Variants in PTCHD4 observed in about 807,000 individuals in gnomAD.
PTCHD4 encodes the protein patched domain-containing protein 4.
PTCHD4 carries 33 observed loss-of-function variants against 58.1 expected under a neutral mutation model. The ratio of observed to expected loss-of-function variants is 0.57; its 90% CI spans 0.43 to 0.76. The LOEUF (loss-of-function observed/expected upper bound fraction) is 0.76, where lower values mean the gene tolerates loss of function less well. Ranked by LOEUF, PTCHD4 falls within the 30% of genes least tolerant of loss-of-function variation. The pLI is 0.00. For missense variants in PTCHD4, 1,058 were observed against 1,027.1 expected (o/e 1.03, Z -0.41); for synonymous variants, 478 against 409.6 (o/e 1.17, Z -2.02).
chr6:47,901,363 G>T (rs1764696354), intron 4 of PTCHD4: 5 of 818,622 alleles, frequency 6.1e-6, no homozygotes, highest in South Asian at 5.6e-5. Flanking sequence ...TTATCTCATA[G>T]AATTATTTGG....
chr6:48,067,036 A>G lies in PTCHD4; in HGVS notation c.417+1194T>C, dbSNP rs568111507. Among the ~76,000 whole-genome samples the G allele has an allele frequency of 1.3e-4, 20 of 152,230 alleles. No homozygotes were observed. In the South Asian group the frequency reaches 3.7e-3, roughly 28 times the overall value. On this transcript the variant is annotated intron_variant, in intron 3 of 4. Transcript: ENST00000339488. ...ACTATCTCCACAGATGCACACACAT[A>G]TCTTCACATACATTAAAAAAATTTT...
chr6:47,977,420 A>G (rs1427561823), intron 4 of PTCHD4, among the ~76,000 whole-genome samples: 1 of 152,202 alleles, frequency 6.6e-6, no homozygotes, highest in Non-Finnish European at 1.5e-5. Context: ...CTCTGTGACA[A>G]GGAATTAAGG....
rs966458048 is a variant in PTCHD4, at chr6:47,876,377, G to C, written c.*1926C>G. 6.6e-6 allele frequency among the ~76,000 whole-genome samples: 1 copy of C among 151,744 alleles called. No individual in the cohort carries two copies. Among genetic ancestry groups the C allele is most frequent in the Non-Finnish European group, 1.5e-5 (1 of 67,908 alleles). Reference sequence around the variant, plus strand: ...CCTGTTGAAACCCAATTACCTCAAGGTAAAACAAAACAAACTCCATTTAAT... The same window carrying C: ...CCTGTTGAAACCCAATTACCTCAAGCTAAAACAAAACAAACTCCATTTAAT... On this transcript the variant is annotated 3_prime_UTR_variant, in exon 5 of 5. Transcript: ENST00000339488.
intron 4 of PTCHD4, among the ~76,000 whole-genome samples, chr6:47,895,185 T>C (rs749692332): frequency 1.3e-5 from 2 of 152,008 alleles, no homozygotes; most frequent in Non-Finnish European, 2.9e-5. Flanking sequence ...TGAAGACCCA[T>C]GCAGACAGCT....
intron 3 of PTCHD4, among the ~76,000 whole-genome samples, chr6:48,046,961 A>C (rs1480858287): frequency 2.0e-5 from 3 of 151,836 alleles, no homozygotes; most frequent in Non-Finnish European, 4.4e-5. Flanking sequence ...GTGGATGCTC[A>C]TAACACCTCC....
At position 47,859,152 on chromosome 6, in the gene PTCHD4, T is replaced by G. The variant is rs890230371; in HGVS notation, c.*19151A>C. Among the ~76,000 whole-genome samples, 38 of 152,208 alleles carry G rather than the reference T, an allele frequency of 2.5e-4. No homozygotes were observed. Among genetic ancestry groups the G allele is most frequent in the African/African-American group, 9.1e-4 (38 of 41,570 alleles). On this transcript the variant is annotated 3_prime_UTR_variant, in exon 5 of 5. Coordinates refer to ENST00000339488, the MANE Select transcript of PTCHD4 (RefSeq NM_001384253.1). Reference sequence around the variant, plus strand: ...TCTTACAATTCCAGCTGAAAATGGCTTGGGGCAGTATCTTTTACTTCTTTA... The same window carrying G: ...TCTTACAATTCCAGCTGAAAATGGCGTGGGGCAGTATCTTTTACTTCTTTA...
chr6:47,917,157 A>G (rs1765284161), intron 4 of PTCHD4, among the ~76,000 whole-genome samples: 1 of 152,140 alleles, frequency 6.6e-6, no homozygotes, highest in Non-Finnish European at 1.5e-5. Flanking sequence ...TGTATCTAAA[A>G]CATAATTATA....
chr6:48,014,899 G>A (rs76669164), intron 3 of PTCHD4, among the ~76,000 whole-genome samples: 6,695 of 152,060 alleles, frequency 0.044, 185 homozygotes, highest in African/African-American at 0.05. Context: ...CTAGGGGAGC[G>A]ATTTCAGGGC....
chr6:48,068,223 G>T lies in PTCHD4; in HGVS notation c.417+7C>A, dbSNP rs879734225. 3.2e-6 allele frequency: 5 copies of T among 1,553,900 alleles called. 1 individual carries two copies. The highest frequency in any genetic ancestry group is 2.4e-5 in the South Asian group (2 of 81,724). Reference sequence around the variant, plus strand: ...GAAAAAGTATAATTATAGCCCTTGTGGTTCACCTTCATTTCCAGCACGGCT... The same window carrying T: ...GAAAAAGTATAATTATAGCCCTTGTTGTTCACCTTCATTTCCAGCACGGCT... On this transcript the variant is annotated splice_region_variant and intron_variant, in intron 3 of 4. Coordinates refer to ENST00000339488, the MANE Select transcript of PTCHD4 (RefSeq NM_001384253.1). This position sits in a 1 kb window ranked among gnomAD's most constrained non-coding sequence, Gnocchi z 4.2.
intron 4 of PTCHD4, among the ~76,000 whole-genome samples, chr6:47,988,515 C>G (rs1768163766): frequency 6.6e-6 from 1 of 152,156 alleles, no homozygotes; most frequent in Non-Finnish European, 1.5e-5. Flanking sequence ...TCTCTGTCCC[C>G]ACCCAAATCT....
intron 4 of PTCHD4, among the ~76,000 whole-genome samples, chr6:48,005,869 G>A (rs545097206): frequency 5.9e-5 from 9 of 152,316 alleles, no homozygotes; most frequent in Non-Finnish European, 1.2e-4. Flanking sequence ...TTAAGGCAAA[G>A]GGATGTCACA....
In PTCHD4 at chr6:47,874,063, T is replaced by C. The variant is rs1383386048; in HGVS notation, c.*4240A>G. Reference sequence around the variant, plus strand: ...AGACAATATCTAAATGTCAGTCTCATGGCATTGTATTTTCTGCTTCACCAT... The same window carrying C: ...AGACAATATCTAAATGTCAGTCTCACGGCATTGTATTTTCTGCTTCACCAT... On this transcript the variant is annotated 3_prime_UTR_variant, in exon 5 of 5. Transcript: ENST00000339488. Among the ~76,000 whole-genome samples the C allele has an allele frequency of 6.6e-6, 1 of 151,760 alleles. No individual in the cohort carries two copies. Among genetic ancestry groups the C allele is most frequent in the Non-Finnish European group, 1.5e-5 (1 of 67,804 alleles).
chr6:47,915,308 T>A (rs1765210230), intron 4 of PTCHD4, among the ~76,000 whole-genome samples: 1 of 152,188 alleles, frequency 6.6e-6, no homozygotes. Flanking sequence ...TGTTGATTTA[T>A]GTATTAGGTT....
chr6:47,870,036 A>T lies in PTCHD4; in HGVS notation c.*8267T>A, dbSNP rs530723344. On this transcript the variant is annotated 3_prime_UTR_variant, in exon 5 of 5. Coordinates refer to ENST00000339488, the MANE Select transcript of PTCHD4 (RefSeq NM_001384253.1). ...AAAAGACCTCATATTTGACCCTAAG[A>T]ACTATAGAATATACACCTGTATAAT... 6.6e-6 allele frequency among the ~76,000 whole-genome samples: 1 copy of T among 151,782 alleles called. No homozygotes were observed. The highest frequency in any genetic ancestry group is 2.1e-4 in the South Asian group (1 of 4,830).
chr6:47,945,305 T>C (rs1446340930), intron 4 of PTCHD4, among the ~76,000 whole-genome samples: 1 of 152,108 alleles, frequency 6.6e-6, no homozygotes, highest in Non-Finnish European at 1.5e-5. Context: ...TTGAGAAGTA[T>C]AATCTTAACA....
chr6:47,993,546 G>A (rs761792876), intron 4 of PTCHD4, among the ~76,000 whole-genome samples: 4 of 152,146 alleles, frequency 2.6e-5, no homozygotes, highest in Admixed American at 1.3e-4. Context: ...AAAGCAGCAG[G>A]CAGAATATGG....
At chr6:48,057,172 T>G (rs1582088926) in intron 3 of PTCHD4, among the ~76,000 whole-genome samples, 1 of 133,912 alleles carries the variant, frequency 7.5e-6, no homozygotes, top group African/African-American at 2.7e-5. Flanking sequence ...CTGGCGGCGG[T>G]TTTTTTTGTT....
Position 47,865,297 on chromosome 6 carries a change from T to A in PTCHD4, c.*13006A>T, listed in dbSNP as rs1223204260. ...TCTTTTATTTACTGAATTTAATTAA[T>A]GCAATATAAACCATTTTTCCCCAAG... On this transcript the variant is annotated 3_prime_UTR_variant, in exon 5 of 5. Transcript: ENST00000339488. Among the ~76,000 whole-genome samples, 4 of 151,936 alleles carry A rather than the reference T, an allele frequency of 2.6e-5. No individual in the cohort carries two copies. Among genetic ancestry groups the A allele is most frequent in the Admixed American group, 2.0e-4 (3 of 15,230 alleles).
chr6:48,052,551 T>G (rs1241339563), intron 3 of PTCHD4, among the ~76,000 whole-genome samples: 1 of 152,020 alleles, frequency 6.6e-6, no homozygotes, highest in Non-Finnish European at 1.5e-5. Context: ...GGAGATACAT[T>G]TTGTGAAACT....
Sources: allele counts gnomAD v4.1 joint callset (sites outside exome capture counted in the v4.1 genomes callset), GRCh38; gene constraint gnomAD v4.1.1; non-coding constraint Gnocchi (gnomAD v3.1); transcripts MANE v1.5; gene names NCBI Gene and HGNC (gene_info 2026-07-23, HGNC 2026-07-21).